The following CMPK2 variants were observed in gnomAD, a reference collection of about 807,000 sequenced individuals.
CMPK2 encodes cytidine/uridine monophosphate kinase 2, also known as UMP-CMP kinase 2, mitochondrial.
Under a neutral mutation model 33.4 loss-of-function variants are expected in CMPK2, and 32 were observed. The ratio of observed to expected loss-of-function variants is 0.96; its 90% CI spans 0.72 to 1.29. The LOEUF (loss-of-function observed/expected upper bound fraction) is 1.29, where lower values mean the gene tolerates loss of function less well. CMPK2 is among the 50% of genes most tolerant of loss of function. The pLI is 0.00. For synonymous variants in CMPK2, 299 were observed against 275.3 expected, an observed-to-expected ratio of 1.09 and a Z score of -0.85; for missense variants, 672 against 616.0, an observed-to-expected ratio of 1.09 and a Z score of -0.96.
intron 3 of CMPK2, among the ~76,000 whole-genome samples, chr2:6,856,981 C>T (rs1426255301): frequency 1.3e-5 from 2 of 152,202 alleles, no homozygotes; most frequent in Non-Finnish European, 2.9e-5. Context: ...GTGAGTGTTT[C>T]TTCAGTAGGC....
intron 1 of CMPK2, among the ~76,000 whole-genome samples, chr2:6,864,791 C>T (rs982646483): frequency 2.0e-5 from 3 of 152,192 alleles, no homozygotes; most frequent in Admixed American, 6.5e-5. Flanking sequence ...CAGCAAGCAT[C>T]GCGTGGCTTG....
In CMPK2 at chr2:6,848,452, C is replaced by T. The variant is rs894416002; in HGVS notation, c.*1398G>A. The T allele has an allele frequency of 3.1e-5, 30 of 981,256 alleles. No homozygotes were observed. The highest frequency in any genetic ancestry group is 5.2e-4 in the Middle Eastern group (1 of 1,926). The allele number at this position is 981,256 out of a possible 1,614,324, so 60.8% of individuals were successfully genotyped here. ...TAAAACCAATAATACAGCTAGATAC[C>T]ACATTGCAAAGAACCCTAATGCTAT... is the stretch of plus-strand genomic sequence containing the variant. On this transcript the variant is annotated 3_prime_UTR_variant, in exon 5 of 5. Transcript: ENST00000256722.
At position 6,848,371 on chromosome 2, in the gene CMPK2, T is replaced by G. The variant is rs1662415573; in HGVS notation, c.*1479A>C. 5 of 985,150 alleles carry G rather than the reference T, an allele frequency of 5.1e-6. No homozygotes were observed. In the South Asian group the frequency reaches 2.3e-4, roughly 46 times the overall value. 61.0% of individuals were successfully genotyped at this position (985,150 alleles called of 1,614,324 possible). ...ATGTGCCAGGGACATAAAGATACAT[T>G]AATTGTTTGTTTTTCTAGGCTGCCA... On this transcript the variant is annotated 3_prime_UTR_variant, in exon 5 of 5. Transcript: ENST00000256722.
chr2:6,863,265 C>G (rs72779781), intron 2 of CMPK2, among the ~76,000 whole-genome samples, 199 bp downstream of exon 2: 1 of 152,046 alleles, frequency 6.6e-6, no homozygotes, highest in East Asian at 1.9e-4. Flanking sequence ...ACTGAGGATC[C>G]GCGCCCACAC....
At chr2:6,854,345 G>C (rs1662621087) in intron 3 of CMPK2, among the ~76,000 whole-genome samples, 3 of 152,164 alleles carry the variant, frequency 2.0e-5, no homozygotes, top group Admixed American at 1.3e-4. Flanking sequence ...CTTAACCACA[G>C]TCCCCGTTAA....
At chr2:6,866,264 G>C (rs375247418), upstream of CMPK2, 27 of 225,330 alleles carry the variant, frequency 1.2e-4, no homozygotes, top group Non-Finnish European at 2.1e-4. Context: ...CTCCCTCCCC[G>C]ACCTCAACTC....
At chr2:6,857,721 A>C (rs1572139949) in intron 3 of CMPK2, among the ~76,000 whole-genome samples, 1 of 138,554 alleles carries the variant, frequency 7.2e-6, no homozygotes, top group Admixed American at 7.6e-5. Context: ...TGCAGGCTCC[A>C]CCCCCTGGGG....
At chr2:6,855,727 A>G (rs1049642311) in intron 3 of CMPK2, among the ~76,000 whole-genome samples, 3 of 152,094 alleles carry the variant, frequency 2.0e-5, no homozygotes, top group Non-Finnish European at 1.5e-5. Flanking sequence ...AAAACTACTC[A>G]AGGGCCATCA....
At chr2:6,856,596 T>C (rs1662709940) in intron 3 of CMPK2, among the ~76,000 whole-genome samples, 1 of 152,240 alleles carries the variant, frequency 6.6e-6, no homozygotes, top group Non-Finnish European at 1.5e-5. Flanking sequence ...AAATGAACAT[T>C]CAAGAAATGT....
In CMPK2 at chr2:6,865,470, C is replaced by A; in HGVS notation, c.227G>T (p.Cys76Phe). Reference sequence around the variant, plus strand: ...GCCGGCGTCCGGGGTCACGGGCACGCACAGCGAGTAGCTGCGCTCCGGGGG... The same window carrying A: ...GCCGGCGTCCGGGGTCACGGGCACGAACAGCGAGTAGCTGCGCTCCGGGGG... Reference protein sequence around the residue: ...LGPPERSYSLCVPVTPDAGCG... With the variant: ...LGPPERSYSLFVPVTPDAGCG... The change falls in exon 1 of 5, where the codon TGC becomes TTC. Residue 76 changes from cysteine to phenylalanine, a missense_variant. By Grantham distance (205) the Cys-to-Phe change is radical. Transcript: ENST00000256722. 7.8e-7 allele frequency: 1 copy of A among 1,276,888 alleles called. No homozygotes were observed. The highest frequency in any genetic ancestry group is 9.8e-7 in the Non-Finnish European group (1 of 1,016,904). 79.1% of individuals were successfully genotyped at this position (1,276,888 alleles called of 1,614,324 possible). A position where few individuals can be genotyped will look rare whatever the true frequency, so the allele number is the denominator to read the frequency against.
chr2:6,851,149 C>G, intron 4 of CMPK2: 1 of 1,219,260 alleles, frequency 8.2e-7, no homozygotes, highest in South Asian at 1.7e-5. Flanking sequence ...TATACTATGA[C>G]TGGGGAAACT....
downstream of CMPK2, among the ~76,000 whole-genome samples, chr2:6,846,795 A>G (rs538118246): frequency 6.6e-6 from 1 of 152,344 alleles, no homozygotes; most frequent in South Asian, 2.1e-4. Context: ...ATAGACAAGA[A>G]GCCTCAGAAA....
rs764842212 is a variant in CMPK2 at position 6,849,830 on chromosome 2, G to A, written c.*20C>T. 1.2e-5 allele frequency: 20 copies of A among 1,613,312 alleles called. No individual in the cohort carries two copies. The highest frequency in any genetic ancestry group is 1.7e-5 in the Admixed American group (1 of 59,908). On this transcript the variant is annotated 3_prime_UTR_variant, in exon 5 of 5. Coordinates refer to ENST00000256722, the MANE Select transcript of CMPK2 (RefSeq NM_207315.4). ...CAAACAACATCTAATCTAGTTAGAC[G>A]TGGCACCTGGCCAGAGTAACTACGG... is the stretch of plus-strand genomic sequence containing the variant.
Position 6,851,668 on chromosome 2 carries a change from C to T in CMPK2, c.1008G>A (p.Thr336=), listed in dbSNP as rs372012904. 620 of 1,614,026 alleles carry T rather than the reference C, an allele frequency of 3.8e-4. 2 individuals are homozygous for T. The African/African-American group carries it at 7.8e-3, about 20-fold the overall frequency. Reference sequence around the variant, plus strand: ...CCTCAGTGGCTATGGCATAGGTGGCCGTGCTGTGCCAGTACCTGAGAAGGA... The same window carrying T: ...CCTCAGTGGCTATGGCATAGGTGGCTGTGCTGTGCCAGTACCTGAGAAGGA... ...PVIVDRYWHS[T]ATYAIATEVS... is the part of the protein sequence containing the mutation. Residue 336 remains threonine, a synonymous_variant, in exon 4 of 5, where the codon ACG becomes ACA. Transcript: ENST00000256722.
At chr2:6,861,858 T>G (rs1432825807) in intron 2 of CMPK2, among the ~76,000 whole-genome samples, 3 of 152,266 alleles carry the variant, frequency 2.0e-5, no homozygotes, top group African/African-American at 2.4e-5. Flanking sequence ...CTCACTCCTG[T>G]GCTTGCCCCT....
intron 2 of CMPK2, 29 bp downstream of exon 2, chr2:6,863,435 C>A (rs1366582954): frequency 6.4e-7 from 1 of 1,565,078 alleles, no homozygotes; most frequent in Non-Finnish European, 8.8e-7. Flanking sequence ...AGTGTCATTG[C>A]CTATAACTAA....
chr2:6,865,618 TGGCCCCAGCGCAGACCCCGCGC>T lies in CMPK2; in HGVS notation c.57_78del (p.Arg20TrpfsTer21). 1 of 1,393,876 alleles carries T rather than the reference TGGCCCCAGCGCAGACCCCGCGC, an allele frequency of 7.2e-7. No individual in the cohort carries two copies. The highest frequency in any genetic ancestry group is 9.3e-7 in the Non-Finnish European group (1 of 1,073,996). 86.3% of individuals were successfully genotyped at this position (1,393,876 alleles called of 1,614,324 possible). ...AGGACGAAGCGGCGCGGCGGAGCCA[TGGCCCCAGCGCAGACCCCGCGC>T]CGCCCGAGCAGCGGCCCCGACAGTG... On this transcript the variant is annotated frameshift_variant, in exon 1 of 5. Coordinates refer to ENST00000256722, the MANE Select transcript of CMPK2 (RefSeq NM_207315.4). LOFTEE classifies it high-confidence loss of function.
upstream of CMPK2, chr2:6,866,061 T>A: frequency 3.5e-6 from 1 of 288,850 alleles, no homozygotes; most frequent in Non-Finnish European, 6.4e-6. Context: ...TCCGTGTGCG[T>A]TCTGCGGGTG....
chr2:6,866,079 G>A, upstream of CMPK2: 1 of 266,760 alleles, frequency 3.7e-6, no homozygotes, highest in East Asian at 1.3e-4. Flanking sequence ...GTGGCTGGCG[G>A]CCCCGACCCT....
Sources: allele counts gnomAD v4.1 joint callset (sites outside exome capture counted in the v4.1 genomes callset), GRCh38; gene constraint gnomAD v4.1.1; transcripts MANE v1.5; gene names NCBI Gene and HGNC (gene_info 2026-07-23, HGNC 2026-07-21).